SRFBP1: variants seen among roughly 807,000 people sequenced by gnomAD.
SRFBP1 encodes serum response factor-binding protein 1.
In SRFBP1, 47 loss-of-function variants were observed where a neutral mutation model predicts 45.5. The observed-to-expected ratio is 1.03, with a 90% confidence interval of 0.82 to 1.32. The LOEUF (loss-of-function observed/expected upper bound fraction) is 1.32, where lower values mean the gene tolerates loss of function less well. Among genes scored for constraint, SRFBP1 ranks in the 40% most tolerant of loss-of-function variants. The probability of loss-of-function intolerance (pLI) is 0.00; values close to 1 mark genes in which losing one functional copy is unlikely to be tolerated. For missense variants in SRFBP1, 621 were observed against 484.6 expected, an observed-to-expected ratio of 1.28 and a Z score of -2.64; for synonymous variants, 203 against 166.3, an observed-to-expected ratio of 1.22 and a Z score of -1.70.
chr5:121,980,354 T>C (rs1752384170), intron 3 of SRFBP1, among the ~76,000 whole-genome samples: 1 of 152,142 alleles, frequency 6.6e-6, no homozygotes, highest in African/African-American at 2.4e-5. Flanking sequence ...ATGCCAGATT[T>C]CTCCATTGTA....
chr5:122,002,586 C>T (rs1023003581), intron 4 of SRFBP1, among the ~76,000 whole-genome samples: 52 of 152,132 alleles, frequency 3.4e-4, no homozygotes, highest in Non-Finnish European at 2.9e-4. Flanking sequence ...CTCCATCGTT[C>T]CTAAGGAGGA....
chr5:122,053,480 A>G (rs956516385), intron 2 of SRFBP1, among the ~76,000 whole-genome samples: 1 of 152,126 alleles, frequency 6.6e-6, no homozygotes, highest in African/African-American at 2.4e-5. Context: ...GAGTTCATGC[A>G]GAAGTGGGTC....
chr5:122,008,953 C>G (rs1160006049), intron 4 of SRFBP1, among the ~76,000 whole-genome samples: 1 of 152,074 alleles, frequency 6.6e-6, no homozygotes, highest in Non-Finnish European at 1.5e-5. Context: ...AAGATAAAGA[C>G]CAAATATATA....
chr5:122,023,297 C>T (rs904999109), intron 7 of SRFBP1, among the ~76,000 whole-genome samples: 2 of 152,164 alleles, frequency 1.3e-5, no homozygotes, highest in Non-Finnish European at 2.9e-5. Flanking sequence ...GCACACTTAC[C>T]TCCTTCCCAA....
intron 4 of SRFBP1, among the ~76,000 whole-genome samples, chr5:121,998,606 G>A (rs1752785688): frequency 6.7e-6 from 1 of 148,484 alleles, no homozygotes. Flanking sequence ...CATGGCACGT[G>A]TATACATATG....
At chr5:122,030,888 G>T (rs1344076834), downstream of SRFBP1, among the ~76,000 whole-genome samples, 1 of 152,138 alleles carries the variant, frequency 6.6e-6, no homozygotes, top group Non-Finnish European at 1.5e-5. Flanking sequence ...ACAACTAAAA[G>T]ATAGGGACTT....
chr5:122,078,266 A>G (rs1754700785), downstream of SRFBP1: 6 of 365,604 alleles, frequency 1.6e-5, no homozygotes, highest in East Asian at 8.6e-5. Flanking sequence ...GTCTGGAGTG[A>G]AGGAAGGAGG....
intron 4 of SRFBP1, among the ~76,000 whole-genome samples, chr5:121,998,831 G>T (rs1752793112): frequency 6.6e-6 from 1 of 152,156 alleles, no homozygotes; most frequent in African/African-American, 2.4e-5. Context: ...ACACACCAGT[G>T]TTAGGTGGCA....
intron 2 of SRFBP1, among the ~76,000 whole-genome samples, chr5:122,051,852 G>A (rs551704897): frequency 1.3e-5 from 2 of 152,234 alleles, no homozygotes; most frequent in East Asian, 3.9e-4. Context: ...AGTGTCACTG[G>A]TATGTATACT....
chr5:122,077,024 C>T (rs1754657953), downstream of SRFBP1: 7 of 1,610,764 alleles, frequency 4.3e-6, no homozygotes, highest in African/African-American at 6.7e-5. This position sits in a 1 kb window ranked among gnomAD's most constrained non-coding sequence, Gnocchi z 4.9. Flanking sequence ...AGGCGACGGG[C>T]GCAGCAGTGA....
chr5:122,011,119 C>T (rs914807015), intron 4 of SRFBP1, among the ~76,000 whole-genome samples: 1 of 152,120 alleles, frequency 6.6e-6, no homozygotes, highest in African/African-American at 2.4e-5. Context: ...ATTCAAAGTA[C>T]TGCTACTAGC....
chr5:121,992,737 CAT>C (rs926189231), intron 3 of SRFBP1, among the ~76,000 whole-genome samples: 4 of 152,194 alleles, frequency 2.6e-5, no homozygotes, highest in Non-Finnish European at 4.4e-5. Flanking sequence ...AATCAAATAA[CAT>C]GTTTTCCACT....
At chr5:121,991,421 G>A (rs528812395) in intron 3 of SRFBP1, among the ~76,000 whole-genome samples, 4 of 152,008 alleles carry the variant, frequency 2.6e-5, no homozygotes, top group African/African-American at 9.7e-5. Flanking sequence ...AATAATTTGC[G>A]AGTCCTGACA....
At chr5:122,016,858 T>G (rs2112702731) in intron 4 of SRFBP1, among the ~76,000 whole-genome samples, 1 of 152,340 alleles carries the variant, frequency 6.6e-6, no homozygotes, top group African/African-American at 2.4e-5. Context: ...GAACAGAAGC[T>G]GTGTCTAATA....
chr5:122,014,548 A>G (rs1580526678), intron 4 of SRFBP1, among the ~76,000 whole-genome samples: 1 of 151,736 alleles, frequency 6.6e-6, no homozygotes, highest in African/African-American at 2.4e-5. Context: ...ACAGTTATAG[A>G]AGAAGACATT....
At chr5:122,042,697 T>G in intron 2 of SRFBP1, among the ~76,000 whole-genome samples, 1 of 152,214 alleles carries the variant, frequency 6.6e-6, no homozygotes, top group Non-Finnish European at 1.5e-5. Flanking sequence ...TTGTGTGCTC[T>G]TTTAGCCATA....
chr5:122,034,214 C>T (rs887598921), intron 2 of SRFBP1, among the ~76,000 whole-genome samples: 1 of 152,120 alleles, frequency 6.6e-6, no homozygotes, highest in South Asian at 2.1e-4. Flanking sequence ...AAGATCTTTT[C>T]CATTTAATAA....
intron 1 of SRFBP1, among the ~76,000 whole-genome samples, chr5:121,963,860 A>G (rs893330067): frequency 2.0e-5 from 3 of 151,896 alleles, no homozygotes; most frequent in Admixed American, 6.6e-5. Flanking sequence ...AATTAGTGGG[A>G]AAAAAAACCC....
At chr5:122,068,685 C>T (rs969289475) in intron 2 of SRFBP1, among the ~76,000 whole-genome samples, 2 of 152,044 alleles carry the variant, frequency 1.3e-5, no homozygotes, top group African/African-American at 4.8e-5. Context: ...CAAAGAAATT[C>T]ATAAGTAATT....
Sources: allele counts gnomAD v4.1 joint callset (sites outside exome capture counted in the v4.1 genomes callset), GRCh38; gene constraint gnomAD v4.1.1; non-coding constraint Gnocchi (gnomAD v3.1); transcripts MANE v1.5; gene names NCBI Gene and HGNC (gene_info 2026-07-23, HGNC 2026-07-21).